KDM2B: variants seen among roughly 807,000 people sequenced by gnomAD.
The protein encoded by KDM2B is lysine-specific demethylase 2B.
In KDM2B, 26 loss-of-function variants were observed where a neutral mutation model predicts 150.0. The ratio of observed to expected loss-of-function variants is 0.17; its 90% CI spans 0.13 to 0.24. The LOEUF (loss-of-function observed/expected upper bound fraction) is 0.24, where lower values mean the gene tolerates loss of function less well. Among genes scored for constraint, KDM2B ranks in the 10% least tolerant of loss-of-function variants. The pLI is 1.00. For missense variants in KDM2B, 1,265 were observed against 1,816.9 expected (o/e 0.70, Z 5.52); for synonymous variants, 734 against 729.5 (o/e 1.01, Z -0.10).
At chr12:121,440,128 G>T in intron 21 of KDM2B, 53 bp from the exon 22 acceptor site, 1 of 1,405,576 alleles carries the variant, frequency 7.1e-7, no homozygotes, top group Non-Finnish European at 9.8e-7. Context: ...AGGAGGCCTG[G>T]TCATGCTGAC....
intron 4 of KDM2B, among the ~76,000 whole-genome samples, chr12:121,556,645 G>GT (rs1889922655): frequency 6.6e-6 from 1 of 152,162 alleles, no homozygotes; most frequent in African/African-American, 2.4e-5. Context: ...GAGGTCAAGA[G>GT]TTTGAGACTA....
At position 121,442,438 on chromosome 12, in the gene KDM2B, G is replaced by A; in HGVS notation, c.3003C>T (p.Leu1001=). Residue 1001 remains leucine (L), a synonymous_variant, in exon 19 of 23, where the codon CTC becomes CTT. Coordinates refer to ENST00000377071, the MANE Select transcript of KDM2B (RefSeq NM_032590.5). The surrounding 1 kb of genome is among the most constrained non-coding windows in gnomAD (Gnocchi z 7.7). ...GCCGCAGCTCCCGGGGGGTGCCGTT[G>A]AGCCCCTTGCTGAAGCGGTGGGGAC... is the stretch of plus-strand genomic sequence containing the variant. ...CERPHRFSKG[L]NGTPRELRHQ... 1 of 1,599,834 alleles carries A rather than the reference G, an allele frequency of 6.3e-7. No individual in the cohort carries two copies. Among genetic ancestry groups the A allele is most frequent in the Non-Finnish European group, 8.5e-7 (1 of 1,179,096 alleles).
the KDM2B span, among the ~76,000 whole-genome samples, chr12:121,409,283 A>C: frequency 6.6e-6 from 1 of 152,134 alleles, no homozygotes; most frequent in Non-Finnish European, 1.5e-5. Context: ...CTTGGCCAAA[A>C]CTTAGCTGAC....
the KDM2B span, chr12:121,418,178 A>C: frequency 9.4e-6 from 4 of 426,444 alleles, no homozygotes; most frequent in South Asian, 1.1e-4. Flanking sequence ...TGTCTTACAC[A>C]GTTAGACACT....
intron 4 of KDM2B, among the ~76,000 whole-genome samples, chr12:121,558,516 C>T (rs375514370): frequency 1.6e-4 from 24 of 147,666 alleles, no homozygotes; most frequent in Middle Eastern, 3.5e-3. Context: ...TACAGTGGTG[C>T]GATCTCGGCT....
chr12:121,460,593 C>T (rs1333290548), intron 12 of KDM2B, among the ~76,000 whole-genome samples: 2 of 151,858 alleles, frequency 1.3e-5, no homozygotes, highest in East Asian at 1.9e-4. Context: ...TTTTTTTGAG[C>T]GACGGAGTCC....
intron 11 of KDM2B, among the ~76,000 whole-genome samples, chr12:121,500,690 T>C (rs1275553946): frequency 1.3e-5 from 2 of 152,192 alleles, no homozygotes; most frequent in African/African-American, 4.8e-5. Context: ...CCCCCTTCTA[T>C]GGGGAAAGAG....
At chr12:121,448,503 G>A (rs1392362831) in intron 13 of KDM2B, among the ~76,000 whole-genome samples, 5 of 151,938 alleles carry the variant, frequency 3.3e-5, no homozygotes, top group South Asian at 2.1e-4. Context: ...CTGAGACCAC[G>A]AAGTGTGAGA....
intron 4 of KDM2B, among the ~76,000 whole-genome samples, chr12:121,568,546 G>A (rs1020979812): frequency 6.6e-6 from 1 of 151,912 alleles, no homozygotes; most frequent in South Asian, 2.1e-4. Context: ...CAATATGGAC[G>A]AATTGTATAT....
chr12:121,508,120 T>C (rs1885258600), intron 11 of KDM2B, among the ~76,000 whole-genome samples: 1 of 152,116 alleles, frequency 6.6e-6, no homozygotes, highest in South Asian at 2.1e-4. Context: ...AGGGTCTTGC[T>C]CTGTTGCCCA....
intron 4 of KDM2B, among the ~76,000 whole-genome samples, chr12:121,561,091 A>G (rs1555313777): frequency 6.6e-6 from 1 of 151,062 alleles, no homozygotes; most frequent in Non-Finnish European, 1.5e-5. Flanking sequence ...CCCGGGCTGC[A>G]CACACATCCA....
intron 11 of KDM2B, among the ~76,000 whole-genome samples, chr12:121,496,861 A>T (rs1884015285): frequency 7.0e-6 from 1 of 142,238 alleles, no homozygotes; most frequent in Non-Finnish European, 1.5e-5. Context: ...CTGGGATTAT[A>T]GGTGTGAGCC....
chr12:121,549,456 C>T lies in KDM2B; in HGVS notation c.576+4G>A. On this transcript the variant is annotated splice_donor_region_variant and intron_variant, in intron 5 of 22. Transcript: ENST00000377071. This position sits in a 1 kb window ranked among gnomAD's most constrained non-coding sequence, Gnocchi z 4.4. ...TGGGGAGGGTACCTGGGCCCCGGAC[C>T]TACCACAGTCGGACGCTTGACCAAG... The T allele has an allele frequency of 6.3e-7, 1 of 1,589,074 alleles. No individual in the cohort carries two copies. The highest frequency in any genetic ancestry group is 8.6e-7 in the Non-Finnish European group (1 of 1,161,756).
chr12:121,438,799 G>T (rs1555287395), intron 22 of KDM2B, among the ~76,000 whole-genome samples: 3 of 151,578 alleles, frequency 2.0e-5, no homozygotes, highest in African/African-American at 7.3e-5. Context: ...ATGAGATGGG[G>T]ATGTCCTTAG....
chr12:121,536,500 G>A (rs1888110901), intron 6 of KDM2B, among the ~76,000 whole-genome samples: 1 of 152,182 alleles, frequency 6.6e-6, no homozygotes, highest in Admixed American at 6.5e-5. Context: ...GCCCAGCGGG[G>A]TCCCCGCCTG....
At chr12:121,555,732 CA>C (rs1889840579) in intron 4 of KDM2B, among the ~76,000 whole-genome samples, 1 of 152,024 alleles carries the variant, frequency 6.6e-6, no homozygotes, top group Non-Finnish European at 1.5e-5. Context: ...TTTTCCCCCC[CA>C]AATCTCAAAT....
At position 121,513,443 on chromosome 12, in the gene KDM2B, A is replaced by G; in HGVS notation, c.1048-41T>C. ...CAGGCAGGCAGAGGTCAGTTTCCAGAGGGCGAAGGGGGAAGGAGGGAGAGA... is the reference window on the plus strand; with the variant it reads ...CAGGCAGGCAGAGGTCAGTTTCCAGGGGGCGAAGGGGGAAGGAGGGAGAGA... On this transcript the variant is annotated intron_variant, in intron 9 of 22. Transcript: ENST00000377071. This position sits in a 1 kb window ranked among gnomAD's most constrained non-coding sequence, Gnocchi z 5.0. The G allele has an allele frequency of 6.3e-7, 1 of 1,598,050 alleles. No homozygotes were observed. The highest frequency in any genetic ancestry group is 8.6e-7 in the Non-Finnish European group (1 of 1,167,168).
Position 121,442,653 on chromosome 12 carries a change from TCTC to T in KDM2B, c.2785_2787del (p.Glu929del), listed in dbSNP as rs782535685. 4.4e-6 allele frequency: 7 copies of T among 1,605,090 alleles called. No homozygotes were observed. Among genetic ancestry groups the T allele is most frequent in the Admixed American group, 3.4e-5 (2 of 59,412 alleles). On this transcript the variant is annotated inframe_deletion, in exon 19 of 23. Transcript: ENST00000377071. The surrounding 1 kb of genome is among the most constrained non-coding windows in gnomAD (Gnocchi z 7.7). ...TTCCGGCGCATCTTCACCTTCTTCTTCTCCTCCGGGCCCTCGGCCCCTTCGGTG... is the reference window on the plus strand; with the variant it reads ...TTCCGGCGCATCTTCACCTTCTTCTTCTCCGGGCCCTCGGCCCCTTCGGTG...
In KDM2B at chr12:121,463,950, C is replaced by T. The variant is rs1056511255; in HGVS notation, c.1735-10606G>A. ...AAGAGAAAAAAAAAAACTGGCCAGGCGCAGTGGCTCATGCCTGTAATCCCA... is the reference window on the plus strand; with the variant it reads ...AAGAGAAAAAAAAAAACTGGCCAGGTGCAGTGGCTCATGCCTGTAATCCCA... On this transcript the variant is annotated intron_variant, in intron 12 of 22. Coordinates refer to ENST00000377071, the MANE Select transcript of KDM2B (RefSeq NM_032590.5). Among the ~76,000 whole-genome samples the T allele has an allele frequency of 5.9e-5, 9 of 151,912 alleles. No individual in the cohort carries two copies. In the East Asian group the frequency reaches 7.7e-4, roughly 13 times the overall value.
Sources: allele counts gnomAD v4.1 joint callset (sites outside exome capture counted in the v4.1 genomes callset), GRCh38; gene constraint gnomAD v4.1.1; non-coding constraint Gnocchi (gnomAD v3.1); transcripts MANE v1.5; gene names NCBI Gene and HGNC (gene_info 2026-07-23, HGNC 2026-07-21).